AGAP1: variants seen among roughly 807,000 people sequenced by gnomAD.
The protein encoded by AGAP1 is ArfGAP with GTPase domain, ankyrin repeat and PH domain 1.
Under a neutral mutation model 105.3 loss-of-function variants are expected in AGAP1, and 29 were observed. The observed-to-expected ratio is 0.28, with a 90% CI of 0.21 to 0.38. The LOEUF (loss-of-function observed/expected upper bound fraction) is 0.38. Among genes scored for constraint, AGAP1 ranks in the 10% least tolerant of loss-of-function variants. The pLI, the probability that AGAP1 is intolerant of heterozygous loss-of-function variation, is 1.00. For missense variants in AGAP1, 998 were observed against 1,165.1 expected, an observed-to-expected ratio of 0.86 and a Z score of 2.09; for synonymous variants, 509 against 485.9, an observed-to-expected ratio of 1.05 and a Z score of -0.63.
chr2:235,798,236 A>G (rs1957331403), intron 7 of AGAP1, among the ~76,000 whole-genome samples: 1 of 152,166 alleles, frequency 6.6e-6, no homozygotes, highest in South Asian at 2.1e-4. Flanking sequence ...CTTAATGGCC[A>G]ATCTCGCTTT....
At chr2:235,537,920 C>T (rs573550870) in intron 1 of AGAP1, among the ~76,000 whole-genome samples, 3 of 152,300 alleles carry the variant, frequency 2.0e-5, no homozygotes, top group African/African-American at 4.8e-5. Context: ...GGCATGCTTT[C>T]CCCTGAATAG....
In AGAP1 at chr2:235,726,263, C is replaced by T. The variant is rs992695631; in HGVS notation, c.310+8619C>T. 2.0e-5 allele frequency among the ~76,000 whole-genome samples: 3 copies of T among 152,290 alleles called. 1 individual carries two copies. The highest frequency in any genetic ancestry group is 4.1e-4 in the South Asian group (2 of 4,828). ...GTGGGGAGTCACTGTCTCCTGAGGGCAGCGCACAGAGGCTCATGTGTGTCC... is the reference window on the plus strand; with the variant it reads ...GTGGGGAGTCACTGTCTCCTGAGGGTAGCGCACAGAGGCTCATGTGTGTCC... On this transcript the variant is annotated intron_variant, in intron 3 of 17. Transcript: ENST00000304032.
At position 235,596,175 on chromosome 2, in the gene AGAP1, C is replaced by T. The variant is rs1433680364; in HGVS notation, c.163+101326C>T. Among the ~76,000 whole-genome samples, 1 of 152,198 alleles carries T rather than the reference C, an allele frequency of 6.6e-6. No homozygotes were observed. Among genetic ancestry groups the T allele is most frequent in the African/African-American group, 2.4e-5 (1 of 41,454 alleles). On this transcript the variant is annotated intron_variant, in intron 1 of 17. Coordinates refer to ENST00000304032, the MANE Select transcript of AGAP1 (RefSeq NM_001037131.3). This position sits in a 1 kb window ranked among gnomAD's most constrained non-coding sequence, Gnocchi z 5.9. ...GTCAAGTCTAAGTGGCACAGCTATC[C>T]ATGAACACTGTAAACATTCCCAGCT... is the stretch of plus-strand genomic sequence containing the variant.
At position 235,633,592 on chromosome 2, in the gene AGAP1, T is replaced by C. The variant is rs1946897753; in HGVS notation, c.164-75587T>C. 6.6e-6 allele frequency among the ~76,000 whole-genome samples: 1 copy of C among 151,970 alleles called. No individual in the cohort carries two copies. The highest frequency in any genetic ancestry group is 2.4e-5 in the African/African-American group (1 of 41,312). ...TGGGTGACAAGAGCAAGACTCTGTC[T>C]TAAAAATAAAAGAGCTTGAGTGAAT... On this transcript the variant is annotated intron_variant, in intron 1 of 17. Coordinates refer to ENST00000304032, the MANE Select transcript of AGAP1 (RefSeq NM_001037131.3). The surrounding 1 kb of genome is among the most constrained non-coding windows in gnomAD (Gnocchi z 4.8).
chr2:235,959,623 G>A lies in AGAP1; in HGVS notation c.1484-8839G>A, dbSNP rs756055842. Among the ~76,000 whole-genome samples the A allele has an allele frequency of 2.4e-4, 36 of 152,076 alleles. No homozygotes were observed. The highest frequency in any genetic ancestry group is 4.1e-4 in the Non-Finnish European group (28 of 67,994). On this transcript the variant is annotated intron_variant, in intron 12 of 17. Coordinates refer to ENST00000304032, the MANE Select transcript of AGAP1 (RefSeq NM_001037131.3). The surrounding 1 kb of genome is among the most constrained non-coding windows in gnomAD (Gnocchi z 7.3). ...GAGTCCCAGGTGACACTTCCTGCCCGACTTCTGTCTCCTGCCACGGCCCCC... is the reference window on the plus strand; with the variant it reads ...GAGTCCCAGGTGACACTTCCTGCCCAACTTCTGTCTCCTGCCACGGCCCCC...
intron 9 of AGAP1, among the ~76,000 whole-genome samples, chr2:235,810,262 C>T (rs1038379939): frequency 2.2e-4 from 33 of 152,168 alleles, no homozygotes; most frequent in African/African-American, 7.7e-4. Context: ...CCATTCCCAT[C>T]CTTACCGTGT....
intron 6 of AGAP1, chr2:235,773,773 G>C (rs1009191100): frequency 2.7e-6 from 1 of 366,012 alleles, no homozygotes; most frequent in Admixed American, 4.0e-5. Context: ...GGTTTTCTTC[G>C]GAGAATCACA....
chr2:235,682,989 C>T (rs1388709586), intron 1 of AGAP1, among the ~76,000 whole-genome samples: 1 of 152,058 alleles, frequency 6.6e-6, no homozygotes, highest in African/African-American at 2.4e-5. Context: ...TCCTGGAAAA[C>T]GCAAAGTAAA....
intron 1 of AGAP1, among the ~76,000 whole-genome samples, chr2:235,499,434 T>G (rs1466970361): frequency 1.3e-5 from 2 of 152,236 alleles, no homozygotes; most frequent in African/African-American, 4.8e-5. Context: ...AAGTGTCATG[T>G]TTCTTTGTCA....
At chr2:235,895,875 A>G (rs1450109531) in intron 10 of AGAP1, among the ~76,000 whole-genome samples, 1 of 152,240 alleles carries the variant, frequency 6.6e-6, no homozygotes, top group Non-Finnish European at 1.5e-5. Context: ...TCTCAGCCAT[A>G]TTCTGGCTCC....
intron 1 of AGAP1, among the ~76,000 whole-genome samples, chr2:235,529,216 G>A (rs1397772844): frequency 6.6e-6 from 1 of 152,188 alleles, no homozygotes; most frequent in Non-Finnish European, 1.5e-5. Context: ...TGAATATGGT[G>A]GAAAGTTGAT....
At chr2:235,776,257 G>C (rs140382179) in intron 6 of AGAP1, among the ~76,000 whole-genome samples, 1 of 152,086 alleles carries the variant, frequency 6.6e-6, no homozygotes, top group South Asian at 2.1e-4. Flanking sequence ...CCAAGGCCTC[G>C]CAGGGGTGGT....
rs549540530 is a variant in AGAP1, at chr2:235,665,946, C to T, written c.164-43233C>T. 2.6e-5 allele frequency among the ~76,000 whole-genome samples: 4 copies of T among 152,278 alleles called. No individual in the cohort carries two copies. The highest frequency in any genetic ancestry group is 9.6e-5 in the African/African-American group (4 of 41,552). On this transcript the variant is annotated intron_variant, in intron 1 of 17. Coordinates refer to ENST00000304032, the MANE Select transcript of AGAP1 (RefSeq NM_001037131.3). This position sits in a 1 kb window ranked among gnomAD's most constrained non-coding sequence, Gnocchi z 5.3. ...TAGCAACACTTGGAAATACTATTCT[C>T]CAGGAGAATGTTTGATTTATAGGTA...
rs1484861585 is a variant in AGAP1 at position 235,739,518 on chromosome 2, G to A, written c.311-1445G>A. Among the ~76,000 whole-genome samples, 1 of 151,546 alleles carries A rather than the reference G, an allele frequency of 6.6e-6. No homozygotes were observed. The highest frequency in any genetic ancestry group is 2.4e-5 in the African/African-American group (1 of 40,840). On this transcript the variant is annotated intron_variant, in intron 3 of 17. Coordinates refer to ENST00000304032, the MANE Select transcript of AGAP1 (RefSeq NM_001037131.3). This position sits in a 1 kb window ranked among gnomAD's most constrained non-coding sequence, Gnocchi z 5.3. ...GCCCTACCGTCTTGTTTCAGTGACT[G>A]GGGGGACAGCAAAATGAGAGTTTAT... is the stretch of plus-strand genomic sequence containing the variant.
intron 8 of AGAP1, among the ~76,000 whole-genome samples, chr2:235,800,624 C>G (rs2150055608): frequency 6.6e-6 from 1 of 152,332 alleles, no homozygotes; most frequent in East Asian, 1.9e-4. Flanking sequence ...CTGGATCACG[C>G]ATTACAAGTA....
At chr2:235,546,622 G>T (rs1408468310) in intron 1 of AGAP1, among the ~76,000 whole-genome samples, 1 of 152,092 alleles carries the variant, frequency 6.6e-6, no homozygotes. Flanking sequence ...GTGTGAGTGT[G>T]GGGACGTGGC....
Position 235,744,874 on chromosome 2 carries a change from G to C in AGAP1, c.538+35G>C. On this transcript the variant is annotated intron_variant, in intron 5 of 17. Transcript: ENST00000304032. This position sits in a 1 kb window ranked among gnomAD's most constrained non-coding sequence, Gnocchi z 5.2. ...GTTCGTGTGCAGATTGTTTTGAAAG[G>C]GTTCTAACAGTTACATATTTTCAGT... 6.2e-7 allele frequency: 1 copy of C among 1,606,100 alleles called. No individual in the cohort carries two copies.
chr2:235,828,527 A>T (rs28410098), intron 9 of AGAP1, among the ~76,000 whole-genome samples: 1 of 152,148 alleles, frequency 6.6e-6, no homozygotes, highest in African/African-American at 2.4e-5. Context: ...CGTTTGTTCT[A>T]TGAGAAGGCA....
At chr2:235,624,410 G>C (rs563604536) in intron 1 of AGAP1, among the ~76,000 whole-genome samples, 1 of 152,252 alleles carries the variant, frequency 6.6e-6, no homozygotes, top group African/African-American at 2.4e-5. Context: ...GTGCATGAGG[G>C]GAAGCACCTA....
Sources: gnomAD v4.1 joint callset for allele counts (sites outside exome capture counted in the v4.1 genomes callset) on GRCh38, gnomAD v4.1.1 for gene constraint, Gnocchi (gnomAD v3.1) non-coding constraint, MANE v1.5 for transcripts, NCBI Gene and HGNC (gene_info 2026-07-23, HGNC 2026-07-21) for gene names.